ATR: variants seen among roughly 807,000 people sequenced by gnomAD.
ATR encodes ATR checkpoint kinase.
A neutral mutation model predicts 305.3 loss-of-function variants in ATR; 142 were observed. The ratio of observed to expected loss-of-function variants is 0.47; its 90% confidence interval spans 0.41 to 0.53. ATR has a LOEUF of 0.53. Ranked by LOEUF, ATR falls within the 20% of genes least tolerant of loss-of-function variation. ATR has a pLI of 0.00. For synonymous variants in ATR, 1,050 were observed against 1,068.1 expected, an observed-to-expected ratio of 0.98 and a Z score of 0.33; for missense variants, 2,135 against 3,133.1, an observed-to-expected ratio of 0.68 and a Z score of 7.60.
intron 35 of ATR, among the ~76,000 whole-genome samples, chr3:142,488,433 C>T (rs1332077277): frequency 6.6e-6 from 1 of 152,114 alleles, no homozygotes; most frequent in East Asian, 1.9e-4. Flanking sequence ...CCTGACCTCA[C>T]ACGATACAGT....
Position 142,556,460 on chromosome 3 carries a change from G to T in ATR, c.2001C>A (p.Ile667=), listed in dbSNP as rs1284025014. ...AAAATCCACTAACACAACTAGCCCG[G>T]ATTACTTCATGGGAGCTCTGCAGGG... ...NWALQSSHEV[I]RASCVSGFFI... is the part of the protein sequence containing the mutation. Residue 667 remains isoleucine, a synonymous_variant, in exon 9 of 47, where the codon ATC becomes ATA. Coordinates refer to ENST00000350721, the MANE Select transcript of ATR (RefSeq NM_001184.4). 1 of 1,614,068 alleles carries T rather than the reference G, an allele frequency of 6.2e-7. No individual in the cohort carries two copies. Among genetic ancestry groups the T allele is most frequent in the Non-Finnish European group, 8.5e-7 (1 of 1,179,960 alleles).
chr3:142,477,489 T>C (rs1348498750), intron 36 of ATR, among the ~76,000 whole-genome samples: 1 of 152,184 alleles, frequency 6.6e-6, no homozygotes, highest in African/African-American at 2.4e-5. Context: ...CTGGATTCGG[T>C]TTGCCAGTAT....
intron 27 of ATR, among the ~76,000 whole-genome samples, chr3:142,509,545 A>ATTTTTT (rs71629538): frequency 1.4e-4 from 10 of 73,814 alleles, no homozygotes; most frequent in African/African-American, 1.6e-4. Flanking sequence ...TCAAATTCTG[A>ATTTTTT]TTTTTTTTTT....
intron 30 of ATR, among the ~76,000 whole-genome samples, chr3:142,502,260 A>C (rs1184811623): frequency 6.6e-6 from 1 of 152,232 alleles, no homozygotes; most frequent in Non-Finnish European, 1.5e-5. Context: ...AAAGATACAT[A>C]CACTCGTATG....
At chr3:142,517,712 T>C (rs2032927316) in intron 24 of ATR, among the ~76,000 whole-genome samples, 1 of 152,196 alleles carries the variant, frequency 6.6e-6, no homozygotes, top group Non-Finnish European at 1.5e-5. Context: ...AAGATCTACT[T>C]TTAAAAGACC....
chr3:142,479,045 T>C (rs1211042215), intron 36 of ATR, among the ~76,000 whole-genome samples: 2 of 152,218 alleles, frequency 1.3e-5, no homozygotes, highest in Non-Finnish European at 2.9e-5. Flanking sequence ...CTATCCAATT[T>C]GCCAGTCTGT....
intron 32 of ATR, 89 bp downstream of exon 32, chr3:142,498,508 C>A: frequency 7.9e-7 from 1 of 1,263,940 alleles, no homozygotes. Flanking sequence ...AAACCAAACT[C>A]ACTATCAATT....
intron 46 of ATR, chr3:142,451,010 A>G: frequency 8.0e-7 from 1 of 1,248,602 alleles, no homozygotes; most frequent in South Asian, 1.5e-5. Context: ...CTACACCATC[A>G]ATTCCGTCTT....
rs1206786128 is a variant in ATR, at chr3:142,459,334, T to C, written c.7242A>G (p.Ser2414=). Residue 2414 remains serine (S), a synonymous_variant, in exon 43 of 47, where the codon TCA becomes TCG. Transcript: ENST00000350721. ...CTTTGAGTTTTTCAGATAAAGCTGC[T>C]GACTTTGGTAGCATACACTGGCGAA... The part of the protein sequence containing the change: ...KELRQCMLPK[S]AALSEKLKVF... 2 of 1,614,028 alleles carry C rather than the reference T, an allele frequency of 1.2e-6. No individual in the cohort carries two copies. Among genetic ancestry groups the C allele is most frequent in the East Asian group, 4.5e-5 (2 of 44,874 alleles).
intron 33 of ATR, 30 bp downstream of exon 33, chr3:142,496,983 G>A (rs1453523386): frequency 6.3e-7 from 1 of 1,595,752 alleles, no homozygotes; most frequent in South Asian, 1.1e-5. Context: ...CAAGATAAGT[G>A]ACATTTTTAA....
chr3:142,476,182 C>T (rs908151121), intron 36 of ATR, among the ~76,000 whole-genome samples: 6 of 152,072 alleles, frequency 3.9e-5, no homozygotes, highest in Admixed American at 6.6e-5. Flanking sequence ...GCCTATGTCC[C>T]AAATGGTATT....
chr3:142,510,115 G>GAAAAAAAAAAAAAAAAAAAAAAA (rs397760180), intron 27 of ATR, among the ~76,000 whole-genome samples: 1 of 95,308 alleles, frequency 1.0e-5, no homozygotes, highest in African/African-American at 3.9e-5. Flanking sequence ...GACTGTCTCA[G>GAAAAAAAAAAAAAAAAAAAAAAA]AAAAAAAAAA....
At chr3:142,475,005 AG>A (rs1313380861) in intron 36 of ATR, among the ~76,000 whole-genome samples, 1 of 152,138 alleles carries the variant, frequency 6.6e-6, no homozygotes, top group Non-Finnish European at 1.5e-5. Context: ...GGTTGCCTCC[AG>A]GGATAGAGGG....
chr3:142,537,742 C>T (rs1462762655), intron 19 of ATR, among the ~76,000 whole-genome samples: 1 of 151,572 alleles, frequency 6.6e-6, no homozygotes, highest in Non-Finnish European at 1.5e-5. Flanking sequence ...AGTAAAATCA[C>T]AGAAAAAAAA....
Position 142,469,320 on chromosome 3 carries a change from G to A in ATR, c.6552+17C>T, listed in dbSNP as rs762949883. ...GTAAAAGATCTTTTCATATAAAAAG[G>A]TAAAAGACCCTTTTACCTTTGACAC... On this transcript the variant is annotated intron_variant, in intron 38 of 46. Transcript: ENST00000350721. The A allele has an allele frequency of 1.9e-6, 3 of 1,590,164 alleles. No individual in the cohort carries two copies. Among genetic ancestry groups the A allele is most frequent in the Non-Finnish European group, 2.6e-6 (3 of 1,159,744 alleles).
At chr3:142,451,952 C>T in intron 46 of ATR, 1 of 1,160,034 alleles carries the variant, frequency 8.6e-7, no homozygotes, top group African/African-American at 1.6e-5. Flanking sequence ...GTATATCTAT[C>T]ACTTAACGAA....
intron 40 of ATR, chr3:142,465,731 T>C (rs967182403): frequency 6.8e-5 from 11 of 161,404 alleles, no homozygotes; most frequent in Admixed American, 1.2e-4. Context: ...ATAGACTGGG[T>C]ACAGTGGCTC....
At chr3:142,557,306 T>A (rs912534634) in intron 8 of ATR, among the ~76,000 whole-genome samples, 14 of 152,158 alleles carry the variant, frequency 9.2e-5, no homozygotes, top group African/African-American at 3.4e-4. Flanking sequence ...AAGAATCATT[T>A]ATAAAAATAT....
chr3:142,482,136 T>C (rs2030545784), intron 36 of ATR, among the ~76,000 whole-genome samples: 1 of 152,158 alleles, frequency 6.6e-6, no homozygotes, highest in Non-Finnish European at 1.5e-5. Context: ...TATTTTGATA[T>C]CTAATCACAC....
Sources: gnomAD v4.1 joint callset for allele counts (sites outside exome capture counted in the v4.1 genomes callset) on GRCh38, gnomAD v4.1.1 for gene constraint, MANE v1.5 for transcripts, NCBI Gene and HGNC (gene_info 2026-07-23, HGNC 2026-07-21) for gene names.